Variants in CPS1 observed in about 807,000 individuals in gnomAD.
The protein encoded by CPS1 is carbamoyl-phosphate synthase [ammonia], mitochondrial.
CPS1 carries 109 observed loss-of-function variants against 174.6 expected under a neutral mutation model. That is an observed-to-expected ratio of 0.62 (90% CI 0.53 to 0.73). The LOEUF is 0.73. Among genes scored for constraint, CPS1 ranks in the 30% least tolerant of loss-of-function variants. CPS1 has a pLI of 0.00. For synonymous variants in CPS1, 637 were observed against 632.0 expected (o/e 1.01, Z -0.12); for missense variants, 1,689 against 1,821.9 (o/e 0.93, Z 1.33).
intron 1 of CPS1, among the ~76,000 whole-genome samples, chr2:210,569,395 T>A (rs187301895): frequency 3.6e-4 from 55 of 152,026 alleles, no homozygotes; most frequent in African/African-American, 1.3e-3. Flanking sequence ...ATTTGGCAAG[T>A]TTTTTTATTG....
At chr2:210,597,290 A>C (rs139478845) in intron 13 of CPS1, among the ~76,000 whole-genome samples, 16 of 151,840 alleles carry the variant, frequency 1.1e-4, no homozygotes, top group African/African-American at 3.6e-4. Context: ...TATTACTCTT[A>C]AAATCTTGAG....
chr2:210,660,252 G>A (rs974374116), intron 31 of CPS1, among the ~76,000 whole-genome samples: 3 of 152,116 alleles, frequency 2.0e-5, no homozygotes, highest in African/African-American at 4.8e-5. Flanking sequence ...AAACCTGTCA[G>A]CAGTGCATGG....
At chr2:210,650,033 T>G (rs1700510442) in intron 27 of CPS1, among the ~76,000 whole-genome samples, 1 of 152,148 alleles carries the variant, frequency 6.6e-6, no homozygotes, top group African/African-American at 2.4e-5. Context: ...GGCTTAAGAA[T>G]TACCTGGAAC....
Position 210,612,160 on chromosome 2 carries a change from C to A in CPS1, c.2435C>A (p.Ala812Asp), listed in dbSNP as rs1341730598. 2 of 1,612,016 alleles carry A rather than the reference C, an allele frequency of 1.2e-6. No individual in the cohort carries two copies. Among genetic ancestry groups the A allele is most frequent in the East Asian group, 2.2e-5 (1 of 44,794 alleles). ...GRTFEESFQKALRMCHPSIEG... is the reference protein window; with the variant it reads ...GRTFEESFQKDLRMCHPSIEG... ...ACCTTTGAGGAGAGTTTCCAGAAAG[C>A]TTTACGGATGTGCCACCCATCTATA... Residue 812 changes from alanine (A) to aspartate (D), a missense_variant, in exon 20 of 38, where the codon GCT becomes GAT. Coordinates refer to ENST00000233072, the MANE Select transcript of CPS1 (RefSeq NM_001875.5).
chr2:210,612,285 A>G lies in CPS1; in HGVS notation c.2560A>G (p.Ile854Val). 2 of 1,611,886 alleles carry G rather than the reference A, an allele frequency of 1.2e-6. No homozygotes were observed. The highest frequency in any genetic ancestry group is 1.7e-6 in the Non-Finnish European group (2 of 1,178,538). Residue 854 changes from isoleucine (I) to valine (V), a missense_variant, in exon 20 of 38, where the codon ATT (isoleucine) becomes GTT (valine). Physicochemically the swap from Ile to Val is conservative, Grantham distance 29. Transcript: ENST00000233072. ...ACCAAGCAGCACGCGTATCTATGCC[A>G]TTGCCAAGGTAAGATGTTACAAGGG... The part of the protein sequence containing the change: ...SEPSSTRIYA[I>V]AKAIDDNMSL...
At chr2:210,512,042 A>ATCAAGT (rs2105976137) in intron 1 of CPS1, among the ~76,000 whole-genome samples, 1 of 152,164 alleles carries the variant, frequency 6.6e-6, no homozygotes, top group Admixed American at 6.6e-5. Context: ...CAAGTTGGAC[A>ATCAAGT]TCATTAAAAG....
At position 210,660,489 on chromosome 2, in the gene CPS1, T is replaced by C. The variant is rs1209318526; in HGVS notation, c.3761T>C (p.Ile1254Thr). Residue 1254 changes from isoleucine (I) to threonine (T), a missense_variant, in exon 32 of 38, where the codon ATT becomes ACT. Transcript: ENST00000233072. ...FLVKGNDVLV[I>T]ECNLRASRSF... Reference sequence around the variant, plus strand: ...TTTTGAATTTTATCTCTTCAGGTGATTGAGTGTAACTTGAGAGCTTCTCGA... The same window carrying C: ...TTTTGAATTTTATCTCTTCAGGTGACTGAGTGTAACTTGAGAGCTTCTCGA... 1 of 1,614,074 alleles carries C rather than the reference T, an allele frequency of 6.2e-7. No homozygotes were observed. Among genetic ancestry groups the C allele is most frequent in the Non-Finnish European group, 8.5e-7 (1 of 1,179,936 alleles).
chr2:210,677,589 A>G (rs184565219), intron 37 of CPS1, among the ~76,000 whole-genome samples: 25 of 152,354 alleles, frequency 1.6e-4, no homozygotes, highest in African/African-American at 5.5e-4. Context: ...ACAGGGAGAA[A>G]CAGAGTGGAG....
intron 1 of CPS1, among the ~76,000 whole-genome samples, chr2:210,549,907 A>G (rs1315359306): frequency 2.0e-5 from 3 of 152,030 alleles, no homozygotes; most frequent in Admixed American, 2.0e-4. Flanking sequence ...TGATTTCTGA[A>G]CAATCATAAA....
At chr2:210,542,407 A>G (rs1198067493) in intron 1 of CPS1, among the ~76,000 whole-genome samples, 2 of 152,238 alleles carry the variant, frequency 1.3e-5, no homozygotes, top group South Asian at 2.1e-4. Flanking sequence ...TGAAAAGTCT[A>G]CATCTTACTT....
At chr2:210,549,390 G>A (rs1367709420) in intron 1 of CPS1, among the ~76,000 whole-genome samples, 2 of 151,922 alleles carry the variant, frequency 1.3e-5, no homozygotes, top group Admixed American at 6.6e-5. Context: ...TTGCTATTTA[G>A]AATGAATGTT....
intron 19 of CPS1, among the ~76,000 whole-genome samples, chr2:210,609,111 C>T (rs969579440): frequency 6.6e-6 from 1 of 151,892 alleles, no homozygotes. Context: ...ATTATTAAGC[C>T]CTCTTTAATT....
intron 1 of CPS1, among the ~76,000 whole-genome samples, chr2:210,502,197 T>C (rs958522083): frequency 6.6e-6 from 1 of 151,850 alleles, no homozygotes; most frequent in Admixed American, 6.6e-5. Flanking sequence ...TTATCACAAC[T>C]CAAGGTGAGA....
At chr2:210,528,957 C>T (rs531008896) in intron 1 of CPS1, among the ~76,000 whole-genome samples, 4 of 150,734 alleles carry the variant, frequency 2.7e-5, no homozygotes, top group Non-Finnish European at 5.9e-5. Flanking sequence ...ATAGTAGTGT[C>T]GTGAGTAAGT....
intron 21 of CPS1, among the ~76,000 whole-genome samples, chr2:210,634,959 C>G (rs1432819423): frequency 2.0e-5 from 3 of 152,028 alleles, no homozygotes; most frequent in African/African-American, 7.2e-5. Flanking sequence ...TTTGTTTTTT[C>G]TTTTTTGAGG....
chr2:210,540,764 C>G (rs1423824960), intron 1 of CPS1, among the ~76,000 whole-genome samples: 3 of 152,154 alleles, frequency 2.0e-5, no homozygotes, highest in Non-Finnish European at 2.9e-5. Context: ...TAGAAGCCTA[C>G]TATCTTATTG....
chr2:210,666,887 G>T (rs1323109095), intron 33 of CPS1, among the ~76,000 whole-genome samples: 1 of 152,144 alleles, frequency 6.6e-6, no homozygotes, highest in African/African-American at 2.4e-5. Context: ...GCTTGATGGG[G>T]ATGGCATTGA....
chr2:210,653,208 G>A (rs1195693491), intron 28 of CPS1, among the ~76,000 whole-genome samples: 1 of 152,112 alleles, frequency 6.6e-6, no homozygotes, highest in Non-Finnish European at 1.5e-5. Context: ...TGCAGGGCCT[G>A]GTAAAAAGAC....
In CPS1 at chr2:210,612,265, G is replaced by A; in HGVS notation, c.2540G>A (p.Ser847Asn). Reference sequence around the variant, plus strand: ...CTTAGAAAAGAGTTGTCTGAACCAAGCAGCACGCGTATCTATGCCATTGCC... The same window carrying A: ...CTTAGAAAAGAGTTGTCTGAACCAAACAGCACGCGTATCTATGCCATTGCC... ...LDLRKELSEP[S>N]STRIYAIAKA... The change falls in exon 20 of 38, where the codon AGC becomes AAC. Residue 847 changes from serine to asparagine, a missense_variant. Ser to Asn is a conservative substitution (Grantham distance 46, BLOSUM62 1). Coordinates refer to ENST00000233072, the MANE Select transcript of CPS1 (RefSeq NM_001875.5). 6.2e-7 allele frequency: 1 copy of A among 1,611,998 alleles called. No homozygotes were observed. Among genetic ancestry groups the A allele is most frequent in the Non-Finnish European group, 8.5e-7 (1 of 1,178,682 alleles).
Sources: gnomAD v4.1 joint callset for allele counts (sites outside exome capture counted in the v4.1 genomes callset) on GRCh38, gnomAD v4.1.1 for gene constraint, MANE v1.5 for transcripts, NCBI Gene and HGNC (gene_info 2026-07-23, HGNC 2026-07-21) for gene names.